Variants in TLN2 observed in about 807,000 individuals in gnomAD.
TLN2 encodes talin 2, also known as talin-2.
Under a neutral mutation model 294.7 loss-of-function variants are expected in TLN2, and 118 were observed. The observed-to-expected ratio is 0.40, with a 90% CI of 0.34 to 0.47. TLN2 has a LOEUF of 0.47. Among genes scored for constraint, TLN2 ranks in the 20% least tolerant of loss-of-function variants. The pLI is 0.84. For missense variants in TLN2, 3,083 were observed against 3,282.2 expected, an observed-to-expected ratio of 0.94 and a Z score of 1.48; for synonymous variants, 1,431 against 1,304.5, an observed-to-expected ratio of 1.10 and a Z score of -2.09.
chr15:62,451,454 A>G (rs1595835634), intron 1 of TLN2, among the ~76,000 whole-genome samples: 2 of 152,346 alleles, frequency 1.3e-5, no homozygotes, highest in South Asian at 2.1e-4. Flanking sequence ...CAGGAGATCT[A>G]GACCATCCTG....
At chr15:62,476,792 T>A (rs2037806468) in intron 1 of TLN2, among the ~76,000 whole-genome samples, 1 of 152,222 alleles carries the variant, frequency 6.6e-6, no homozygotes, top group South Asian at 2.1e-4. Flanking sequence ...CAGATGCAGA[T>A]GCCATTTCCT....
chr15:62,832,185 C>T (rs184449428), intron 54 of TLN2: 1 of 146,882 alleles, frequency 6.8e-6, no homozygotes, highest in East Asian at 2.0e-4. Flanking sequence ...ACAGTAGGCA[C>T]TCTTAAAAAT....
At chr15:62,494,015 C>A (rs888774387) in intron 1 of TLN2, among the ~76,000 whole-genome samples, 1 of 152,204 alleles carries the variant, frequency 6.6e-6, no homozygotes, top group Admixed American at 6.5e-5. Context: ...ATACCACCCC[C>A]CTTTGTCTGG....
At chr15:62,744,124 C>G (rs536844292) in intron 32 of TLN2, among the ~76,000 whole-genome samples, 2 of 152,312 alleles carry the variant, frequency 1.3e-5, no homozygotes, top group South Asian at 4.1e-4. Context: ...TCAGCCCTGA[C>G]TTTTCCAATT....
intron 35 of TLN2, among the ~76,000 whole-genome samples, chr15:62,753,057 C>A (rs1266178698): frequency 6.6e-6 from 1 of 152,124 alleles, no homozygotes; most frequent in Non-Finnish European, 1.5e-5. Flanking sequence ...CCCCTCAGAT[C>A]TCAGGAGAAA....
intron 1 of TLN2, among the ~76,000 whole-genome samples, chr15:62,489,553 A>C (rs547670290): frequency 1.3e-5 from 2 of 152,268 alleles, no homozygotes; most frequent in African/African-American, 4.8e-5. Context: ...CCCAAAGCAC[A>C]AATACCTCAT....
intron 2 of TLN2, among the ~76,000 whole-genome samples, chr15:62,608,020 T>C (rs1288730841): frequency 6.6e-6 from 1 of 152,208 alleles, no homozygotes; most frequent in Non-Finnish European, 1.5e-5. Flanking sequence ...GCGAAGGACA[T>C]GTGTTGTATC....
chr15:62,467,291 AG>A (rs1237454989), intron 1 of TLN2, among the ~76,000 whole-genome samples: 21 of 152,334 alleles, frequency 1.4e-4, no homozygotes, highest in Middle Eastern at 3.4e-3. Context: ...TTTGCTTCCC[AG>A]ATAGGGGTGA....
At chr15:62,659,792 T>A (rs1005092204) in intron 9 of TLN2, among the ~76,000 whole-genome samples, 1 of 152,228 alleles carries the variant, frequency 6.6e-6, no homozygotes, top group African/African-American at 2.4e-5. Context: ...TTAGGCCAAA[T>A]TAGGTAATGA....
chr15:62,515,143 A>G (rs2040123480), intron 1 of TLN2, among the ~76,000 whole-genome samples: 1 of 152,086 alleles, frequency 6.6e-6, no homozygotes, highest in Non-Finnish European at 1.5e-5. Context: ...GATTTTTTTC[A>G]TCTTCTATTT....
chr15:62,772,376 CT>C (rs1156339208), intron 42 of TLN2, among the ~76,000 whole-genome samples: 1 of 152,070 alleles, frequency 6.6e-6, no homozygotes, highest in Non-Finnish European at 1.5e-5. Flanking sequence ...TGTTCAGAGT[CT>C]TTTGGAAAAA....
intron 45 of TLN2, chr15:62,784,888 C>G (rs996459033): frequency 1.3e-5 from 2 of 152,126 alleles, no homozygotes; most frequent in South Asian, 4.1e-4. Flanking sequence ...GTCACTGTCC[C>G]CAAGTTACTC....
chr15:62,621,119 G>A (rs1306224266), intron 3 of TLN2, among the ~76,000 whole-genome samples: 1 of 152,156 alleles, frequency 6.6e-6, no homozygotes. Context: ...GATTACAGGT[G>A]TGAGCCACTG....
At chr15:62,764,631 C>G (rs938753947) in intron 40 of TLN2, among the ~76,000 whole-genome samples, 8 of 152,028 alleles carry the variant, frequency 5.3e-5, no homozygotes, top group Admixed American at 2.0e-4. Flanking sequence ...ACCAACTGAA[C>G]AGGCCTTTCA....
chr15:62,711,804 T>C, intron 21 of TLN2, 107 bp from the exon 22 acceptor site: 1 of 1,288,434 alleles, frequency 7.8e-7, no homozygotes, highest in South Asian at 1.8e-5. Flanking sequence ...TCAGTTTTTT[T>C]GCTCCTGCTT....
chr15:62,833,763 CTG>C, intron 55 of TLN2, 134 bp downstream of exon 55: 1 of 1,284,572 alleles, frequency 7.8e-7, no homozygotes, highest in Non-Finnish European at 1.0e-6. Context: ...TTGCCACTCT[CTG>C]TGCTGACCGA....
Position 62,557,883 on chromosome 15 carries a change from C to G in TLN2, c.-237-31804C>G, listed in dbSNP as rs558712532. On this transcript the variant is annotated intron_variant, in intron 1 of 58. Coordinates refer to ENST00000636159, the MANE Select transcript of TLN2 (RefSeq NM_015059.3). ...GTAAACTTCAAATTACTGTGTGTGCCTAAAAGCCACAAGCCCTAGTACCTT... is the reference window on the plus strand; with the variant it reads ...GTAAACTTCAAATTACTGTGTGTGCGTAAAAGCCACAAGCCCTAGTACCTT... Among the ~76,000 whole-genome samples, 5 of 152,294 alleles carry G rather than the reference C, an allele frequency of 3.3e-5. No individual in the cohort carries two copies. The South Asian group carries it at 1.0e-3, about 32-fold the overall frequency.
At chr15:62,569,751 A>G (rs554482256) in intron 1 of TLN2, among the ~76,000 whole-genome samples, 23 of 152,378 alleles carry the variant, frequency 1.5e-4, no homozygotes, top group African/African-American at 5.3e-4. Flanking sequence ...CGTGTAGGAT[A>G]GGCACGGCTG....
chr15:62,701,477 G>C (rs1288077415), intron 17 of TLN2, among the ~76,000 whole-genome samples: 3 of 152,144 alleles, frequency 2.0e-5, no homozygotes, highest in Non-Finnish European at 4.4e-5. Flanking sequence ...TTGTCAGTGT[G>C]CCGGACATAC....
Sources: gnomAD v4.1 joint callset for allele counts (sites outside exome capture counted in the v4.1 genomes callset) on GRCh38, gnomAD v4.1.1 for gene constraint, MANE v1.5 for transcripts, NCBI Gene and HGNC (gene_info 2026-07-23, HGNC 2026-07-21) for gene names.